RWDD3: variants seen among roughly 807,000 people sequenced by gnomAD.
RWDD3 encodes the protein RWD domain containing 3, also known as RWD domain-containing protein 3.
RWDD3 carries 30 observed loss-of-function variants against 26.5 expected under a neutral mutation model. The ratio of observed to expected loss-of-function variants is 1.13; its 90% confidence interval spans 0.85 to 1.54. The LOEUF (loss-of-function observed/expected upper bound fraction) is 1.54. RWDD3 is among the 40% of genes most tolerant of loss of function. The probability of loss-of-function intolerance (pLI) is 0.00; values close to 1 mark genes in which losing one functional copy is unlikely to be tolerated. For missense variants in RWDD3, 296 were observed against 309.1 expected, an observed-to-expected ratio of 0.96 and a Z score of 0.32; for synonymous variants, 113 against 114.5, an observed-to-expected ratio of 0.99 and a Z score of 0.09.
chr1:95,235,966 C>T lies in RWDD3; in HGVS notation c.85+1651C>T, dbSNP rs140188692. Among the ~76,000 whole-genome samples, 12 of 152,234 alleles carry T rather than the reference C, an allele frequency of 7.9e-5. No individual in the cohort carries two copies. The East Asian group carries it at 1.4e-3, about 17-fold the overall frequency. On this transcript the variant is annotated intron_variant, in intron 1 of 3. Coordinates refer to ENST00000370202, the MANE Select transcript of RWDD3 (RefSeq NM_015485.5). The stretch of plus-strand genomic sequence containing the variant: ...TACATGTTTGGGGCATGAGATTTAT[C>T]GTTCTAATGTTATATTGTAGCTACC...
At chr1:95,235,407 G>C (rs1387039604) in intron 1 of RWDD3, among the ~76,000 whole-genome samples, 4 of 118,400 alleles carry the variant, frequency 3.4e-5, no homozygotes, top group African/African-American at 1.3e-4. Context: ...CCCCCAGGCT[G>C]GAGTGCAGTG....
intron 1 of RWDD3, among the ~76,000 whole-genome samples, chr1:95,234,527 G>T (rs1680198658): frequency 1.3e-5 from 2 of 152,046 alleles, no homozygotes; most frequent in South Asian, 4.1e-4. Context: ...AGAGAGCGGC[G>T]CGGCCCACTG....
At chr1:95,234,193 G>C, upstream of RWDD3, 1 of 1,550,894 alleles carries the variant, frequency 6.4e-7, no homozygotes, top group South Asian at 1.2e-5. Flanking sequence ...GGCTGCGGCA[G>C]CGGAAGGGGA....
At position 95,246,293 on chromosome 1, in the gene RWDD3, A is replaced by G. The variant is rs1049542840; in HGVS notation, c.574-249A>G. On this transcript the variant is annotated intron_variant, in intron 2 of 3. Transcript: ENST00000370202. ...AGGATTTAAGTAACCAGCCCAGAGT[A>G]AGAACTAGTAGGCAGTTCAATCCAG... 39 of 314,950 alleles carry G rather than the reference A, an allele frequency of 1.2e-4. No homozygotes were observed. The South Asian group carries it at 3.7e-3, about 30-fold the overall frequency. The allele number at this position is 314,950 out of a possible 1,614,324, so 19.5% of individuals were successfully genotyped here.
chr1:95,235,303 C>T (rs1341365711), intron 1 of RWDD3, among the ~76,000 whole-genome samples: 46 of 148,158 alleles, frequency 3.1e-4, no homozygotes, highest in African/African-American at 1.1e-3. Context: ...CCGCCCGCCT[C>T]GGCCTCCGAA....
chr1:95,234,309 C>T lies in RWDD3; in HGVS notation c.79C>T (p.Arg27Cys). The T allele has an allele frequency of 1.3e-6, 2 of 1,593,040 alleles. No homozygotes were observed. The highest frequency in any genetic ancestry group is 1.7e-6 in the Non-Finnish European group (2 of 1,169,978). Residue 27 changes from arginine (R) to cysteine (C), a missense_variant, in exon 1 of 4, where the codon CGC (arginine) becomes TGC (cysteine). Arg to Cys is a radical substitution (Grantham distance 180). Coordinates refer to ENST00000370202, the MANE Select transcript of RWDD3 (RefSeq NM_015485.5). Reference protein sequence around the residue: ...CRPHEWEVLSRSETDGTVFRI... With the variant: ...CRPHEWEVLSCSETDGTVFRI... ...GCCCCACGAGTGGGAGGTGCTGAGCCGCTCAGGTGACTACCCGCGCGCGGG... is the reference window on the plus strand; with the variant it reads ...GCCCCACGAGTGGGAGGTGCTGAGCTGCTCAGGTGACTACCCGCGCGCGGG...
In RWDD3 at chr1:95,234,257, C is replaced by G. The variant is rs772548738; in HGVS notation, c.27C>G (p.Leu9=). The part of the protein sequence containing the change: MAEPVQEE[L]SVLAAIFCRP... Reference sequence around the variant, plus strand: ...TGGCGGAGCCTGTGCAGGAGGAGCTCTCGGTCCTGGCCGCGATTTTCTGCA... The same window carrying G: ...TGGCGGAGCCTGTGCAGGAGGAGCTGTCGGTCCTGGCCGCGATTTTCTGCA... The change falls in exon 1 of 4, where the codon CTC becomes CTG. Residue 9 remains leucine, a synonymous_variant. Transcript: ENST00000370202. 4.4e-6 allele frequency: 7 copies of G among 1,597,140 alleles called. No homozygotes were observed. The highest frequency in any genetic ancestry group is 6.0e-6 in the Non-Finnish European group (7 of 1,172,506).
At chr1:95,244,845 C>A in intron 2 of RWDD3, 147 bp downstream of exon 2, 1 of 918,798 alleles carries the variant, frequency 1.1e-6, no homozygotes, top group Non-Finnish European at 1.6e-6. Context: ...TCTTCCTTTT[C>A]TTTTTAAAGA....
chr1:95,241,347 C>A (rs1310845190), intron 1 of RWDD3, among the ~76,000 whole-genome samples: 1 of 151,996 alleles, frequency 6.6e-6, no homozygotes, highest in African/African-American at 2.4e-5. Context: ...TTCTCCTTGT[C>A]CCCCAAGTTC....
intron 1 of RWDD3, chr1:95,237,470 A>T (rs900513125): frequency 6.6e-6 from 1 of 152,224 alleles, no homozygotes; most frequent in African/African-American, 2.4e-5. Flanking sequence ...CGTAAGATTG[A>T]AGAAGCTAAA....
chr1:95,246,847 T>C lies in RWDD3; in HGVS notation c.781T>C (p.Phe261Leu). 2 of 1,550,996 alleles carry C rather than the reference T, an allele frequency of 1.3e-6. No individual in the cohort carries two copies. The highest frequency in any genetic ancestry group is 1.7e-6 in the Non-Finnish European group (2 of 1,152,828). ...AGGACTTAAGAAGCTTTTCTCCGAA[T>C]TTGTACTTGCTCTGGTAAAATGAAA... is the stretch of plus-strand genomic sequence containing the variant. The part of the protein sequence containing the change: ...TAGLKKLFSE[F>L]VLALVK The change falls in exon 4 of 4, where the codon TTT (phenylalanine) becomes CTT (leucine). Residue 261 changes from phenylalanine (F) to leucine (L), a missense_variant. Physicochemically the swap from Phe to Leu is conservative, Grantham distance 22 (BLOSUM62 0). Transcript: ENST00000370202.
At chr1:95,238,454 T>A (rs1363213657) in intron 1 of RWDD3, among the ~76,000 whole-genome samples, 1 of 151,922 alleles carries the variant, frequency 6.6e-6, no homozygotes. Context: ...TTGAAACTTA[T>A]GTAAAAATCC....
upstream of RWDD3, chr1:95,234,209 T>C: frequency 1.3e-6 from 2 of 1,569,382 alleles, no homozygotes; most frequent in Non-Finnish European, 1.7e-6. Context: ...GGGGAAGCGC[T>C]GAGGCGGTGG....
At chr1:95,245,555 A>C (rs1462987791) in intron 2 of RWDD3, among the ~76,000 whole-genome samples, 1 of 152,190 alleles carries the variant, frequency 6.6e-6, no homozygotes, top group Non-Finnish European at 1.5e-5. Flanking sequence ...ATGGGCTCTT[A>C]CCACAAAACT....
At chr1:95,235,413 C>G (rs1680288733) in intron 1 of RWDD3, among the ~76,000 whole-genome samples, 1 of 111,452 alleles carries the variant, frequency 9.0e-6, no homozygotes, top group Non-Finnish European at 1.7e-5. Flanking sequence ...GGCTGGAGTG[C>G]AGTGGCGCGA....
chr1:95,234,189 G>C (rs774837126), upstream of RWDD3: 3 of 1,544,752 alleles, frequency 1.9e-6, no homozygotes, highest in African/African-American at 4.1e-5. Context: ...CGGCGGCTGC[G>C]GCAGCGGAAG....
At chr1:95,234,653 G>GC (rs1680212335) in intron 1 of RWDD3, among the ~76,000 whole-genome samples, 1 of 144,992 alleles carries the variant, frequency 6.9e-6, no homozygotes, top group Non-Finnish European at 1.5e-5. Flanking sequence ...CTGTGCTGAC[G>GC]CCCCCTCGTT....
intron 2 of RWDD3, among the ~76,000 whole-genome samples, chr1:95,245,748 CA>C (rs1680827591): frequency 6.6e-6 from 1 of 152,076 alleles, no homozygotes. Context: ...AAAATAAATA[CA>C]AATTAATTTT....
chr1:95,246,410 A>C, intron 2 of RWDD3, 132 bp from the exon 3 acceptor site: 1 of 577,424 alleles, frequency 1.7e-6, no homozygotes, highest in Non-Finnish European at 3.1e-6. Context: ...AGTATATAAA[A>C]ATTCTTACTG....
Sources: gnomAD v4.1 joint callset for allele counts (sites outside exome capture counted in the v4.1 genomes callset) on GRCh38, gnomAD v4.1.1 for gene constraint, MANE v1.5 for transcripts, NCBI Gene and HGNC (gene_info 2026-07-23, HGNC 2026-07-21) for gene names.